Variants in BABAM2 observed in about 807,000 individuals in gnomAD.
BABAM2 encodes the protein BRISC and BRCA1-A complex member 2.
Under a neutral mutation model 54.7 loss-of-function variants are expected in BABAM2, and 31 were observed. The observed-to-expected ratio is 0.57, with a 90% CI of 0.43 to 0.77. The LOEUF is 0.77. BABAM2 is among the 30% of genes least tolerant of loss of function. The probability of loss-of-function intolerance (pLI) is 0.00; values close to 1 mark genes in which losing one functional copy is unlikely to be tolerated. For synonymous variants in BABAM2, 167 were observed against 162.9 expected (o/e 1.03, Z -0.19); for missense variants, 364 against 455.8 (o/e 0.80, Z 1.83).
At chr2:28,189,825 AAAC>A (rs1184758009) in intron 7 of BABAM2, among the ~76,000 whole-genome samples, 1 of 152,182 alleles carries the variant, frequency 6.6e-6, no homozygotes, top group Non-Finnish European at 1.5e-5. Flanking sequence ...AGAATAGCCA[AAAC>A]AACTTTTGAA....
intron 3 of BABAM2, 97 bp from the exon 4 acceptor site, chr2:27,987,896 A>G: frequency 5.9e-6 from 6 of 1,017,762 alleles, no homozygotes; most frequent in Non-Finnish European, 8.9e-6. Context: ...TTCTTAAACT[A>G]ATGTAAATTT....
At chr2:28,319,964 C>T (rs919092551) in intron 11 of BABAM2, among the ~76,000 whole-genome samples, 5 of 152,052 alleles carry the variant, frequency 3.3e-5, no homozygotes, top group Admixed American at 2.6e-4. Flanking sequence ...GGCATTCCAC[C>T]GGGACACCCA....
At chr2:28,063,999 G>A (rs1008026026) in intron 6 of BABAM2, among the ~76,000 whole-genome samples, 15 of 152,152 alleles carry the variant, frequency 9.9e-5, no homozygotes, top group African/African-American at 2.4e-4. Flanking sequence ...AAAAGCCCAC[G>A]CTCTTTTTAC....
chr2:28,247,065 T>C lies in BABAM2; in HGVS notation c.934+2203T>C, dbSNP rs530693133. Among the ~76,000 whole-genome samples the C allele has an allele frequency of 2.6e-5, 4 of 152,328 alleles. No homozygotes were observed. In the South Asian group the frequency reaches 6.2e-4, roughly 24 times the overall value. On this transcript the variant is annotated intron_variant, in intron 10 of 11. Transcript: ENST00000379624. ...AGTCATCTTTTCATTTCATTTTGAATTACCTTCTTCAGAAACATAGAACCC... is the reference window on the plus strand; with the variant it reads ...AGTCATCTTTTCATTTCATTTTGAACTACCTTCTTCAGAAACATAGAACCC...
At chr2:28,007,279 T>C (rs926610365) in intron 4 of BABAM2, among the ~76,000 whole-genome samples, 2 of 152,106 alleles carry the variant, frequency 1.3e-5, no homozygotes, top group Non-Finnish European at 2.9e-5. Context: ...CATAGACTTA[T>C]ATTTACTCAT....
chr2:28,261,578 T>C (rs934517717), intron 10 of BABAM2, among the ~76,000 whole-genome samples: 2 of 151,974 alleles, frequency 1.3e-5, no homozygotes, highest in African/African-American at 4.8e-5. Flanking sequence ...GATCTTATGA[T>C]CTGCCCACCT....
At chr2:28,059,401 T>C (rs1419313315) in intron 6 of BABAM2, among the ~76,000 whole-genome samples, 2 of 152,276 alleles carry the variant, frequency 1.3e-5, no homozygotes, top group East Asian at 3.9e-4. Flanking sequence ...AGAAATAAAG[T>C]TGGTGTTTCT....
chr2:27,984,322 C>T (rs1436189724), intron 3 of BABAM2, among the ~76,000 whole-genome samples: 1 of 151,950 alleles, frequency 6.6e-6, no homozygotes, highest in Admixed American at 6.6e-5. Context: ...TATGTTCCTT[C>T]CTAAAGAATA....
chr2:28,205,190 C>A (rs1483389935), intron 7 of BABAM2, among the ~76,000 whole-genome samples: 3 of 152,010 alleles, frequency 2.0e-5, no homozygotes, highest in Non-Finnish European at 2.9e-5. Context: ...CTTTGCCTAA[C>A]CTAGCCTAAC....
rs111506020 is a variant in BABAM2 at position 28,219,555 on chromosome 2, A to C, written c.681-17647A>C. Among the ~76,000 whole-genome samples, 958 of 152,238 alleles carry C rather than the reference A, an allele frequency of 6.3e-3. 13 individuals carry two copies. The highest frequency in any genetic ancestry group is 0.022 in the African/African-American group (903 of 41,526). On this transcript the variant is annotated intron_variant, in intron 7 of 11. Transcript: ENST00000379624. ...AGGGTAAAAAATTCATAGCTTCCAG[A>C]AATGAGGGTTTGGCAGCTTTGGGGA...
chr2:27,933,995 T>G (rs1668308623), intron 3 of BABAM2, among the ~76,000 whole-genome samples: 1 of 152,072 alleles, frequency 6.6e-6, no homozygotes, highest in South Asian at 2.1e-4. Flanking sequence ...GGGCATAGTA[T>G]TCACATATAA....
intron 6 of BABAM2, among the ~76,000 whole-genome samples, chr2:28,099,813 T>C (rs1363712791): frequency 2.6e-5 from 4 of 152,200 alleles, no homozygotes; most frequent in African/African-American, 9.6e-5. Context: ...TTGTTGTAAG[T>C]TGTCCATTCA....
In BABAM2 at chr2:28,154,622, C is replaced by T. The variant is rs551216373; in HGVS notation, c.680+25242C>T. On this transcript the variant is annotated intron_variant, in intron 7 of 11. Coordinates refer to ENST00000379624, the MANE Select transcript of BABAM2 (RefSeq NM_199191.3). Reference sequence around the variant, plus strand: ...CCTTCATTTGCCTTTCCTTTCCTTGCCCTTCTTTATGTATTTTTTTAAATC... The same window carrying T: ...CCTTCATTTGCCTTTCCTTTCCTTGTCCTTCTTTATGTATTTTTTTAAATC... Among the ~76,000 whole-genome samples the T allele has an allele frequency of 4.6e-5, 7 of 152,206 alleles. No individual in the cohort carries two copies. In the South Asian group the frequency reaches 1.2e-3, roughly 27 times the overall value.
At chr2:28,268,047 G>GA (rs1685132291) in intron 10 of BABAM2, among the ~76,000 whole-genome samples, 2 of 152,226 alleles carry the variant, frequency 1.3e-5, no homozygotes, top group South Asian at 2.1e-4. Context: ...AATATTGACT[G>GA]AAAAAAGCAA....
chr2:28,165,529 C>CTTTTTTTTTTTTTTT (rs1192641957), intron 7 of BABAM2, among the ~76,000 whole-genome samples: 11 of 72,254 alleles, frequency 1.5e-4, no homozygotes, highest in African/African-American at 2.3e-4. Flanking sequence ...TTTTTCCTTG[C>CTTTTTTTTTTTTTTT]TTTTTTTTTT....
At chr2:28,206,656 C>T (rs892201462) in intron 7 of BABAM2, among the ~76,000 whole-genome samples, 1 of 152,152 alleles carries the variant, frequency 6.6e-6, no homozygotes, top group African/African-American at 2.4e-5. Context: ...GAGGAAGGGG[C>T]ATCTGTTTGT....
At chr2:28,230,016 C>T (rs1681227139) in intron 7 of BABAM2, among the ~76,000 whole-genome samples, 1 of 152,208 alleles carries the variant, frequency 6.6e-6, no homozygotes, top group African/African-American at 2.4e-5. Context: ...GTCATTGTCT[C>T]AACATTTCCA....
At chr2:28,284,049 G>A (rs1429022000) in intron 10 of BABAM2, among the ~76,000 whole-genome samples, 2 of 152,068 alleles carry the variant, frequency 1.3e-5, no homozygotes, top group African/African-American at 4.8e-5. Flanking sequence ...GTACAAGTCA[G>A]GCAACTCACT....
At chr2:28,013,259 A>G in intron 4 of BABAM2, 2 of 422,702 alleles carry the variant, frequency 4.7e-6, no homozygotes, top group South Asian at 3.4e-5. Context: ...ACACCCTGGC[A>G]CAAAATTGAG....
Sources: gnomAD v4.1 joint callset for allele counts (sites outside exome capture counted in the v4.1 genomes callset) on GRCh38, gnomAD v4.1.1 for gene constraint, MANE v1.5 for transcripts, NCBI Gene and HGNC (gene_info 2026-07-23, HGNC 2026-07-21) for gene names.